TLN2: variants seen among roughly 807,000 people sequenced by gnomAD.
TLN2 encodes the protein talin-2.
A neutral mutation model predicts 294.7 loss-of-function variants in TLN2; 118 were observed. The ratio of observed to expected loss-of-function variants is 0.40; its 90% confidence interval spans 0.34 to 0.47. The LOEUF is 0.47. Ranked by LOEUF, TLN2 falls within the 20% of genes least tolerant of loss-of-function variation. The probability of loss-of-function intolerance (pLI) is 0.84; values close to 1 mark genes in which losing one functional copy is unlikely to be tolerated. For synonymous variants in TLN2, 1,431 were observed against 1,304.5 expected, an observed-to-expected ratio of 1.10 and a Z score of -2.09; for missense variants, 3,083 against 3,282.2, an observed-to-expected ratio of 0.94 and a Z score of 1.48.
At chr15:62,431,012 G>T (rs1425417115) in intron 1 of TLN2, among the ~76,000 whole-genome samples, 1 of 152,004 alleles carries the variant, frequency 6.6e-6, no homozygotes, top group East Asian at 1.9e-4. Flanking sequence ...CACAAGGGAG[G>T]ATCTGAGAGA....
At chr15:62,585,874 A>G (rs2045556515) in intron 1 of TLN2, among the ~76,000 whole-genome samples, 2 of 152,196 alleles carry the variant, frequency 1.3e-5, no homozygotes, top group Non-Finnish European at 2.9e-5. Context: ...ATGAGTTTCT[A>G]GCATGAGCTG....
chr15:62,818,233 G>A (rs557608520), intron 52 of TLN2, among the ~76,000 whole-genome samples: 1 of 152,336 alleles, frequency 6.6e-6, no homozygotes, highest in South Asian at 2.1e-4. Flanking sequence ...CATTTCCAAA[G>A]CTGATGCTTT....
At chr15:62,772,466 G>T (rs553101109) in intron 42 of TLN2, among the ~76,000 whole-genome samples, 2 of 152,160 alleles carry the variant, frequency 1.3e-5, no homozygotes, top group African/African-American at 4.8e-5. Context: ...AAACGATAGG[G>T]TGCCCTGCAG....
At chr15:62,730,953 T>G (rs1461106710) in intron 28 of TLN2, among the ~76,000 whole-genome samples, 1 of 152,232 alleles carries the variant, frequency 6.6e-6, no homozygotes, top group Non-Finnish European at 1.5e-5. Context: ...TCACAGTGTT[T>G]CCTACATCTT....
At chr15:62,744,404 A>ATTTTTTT (rs71131126) in intron 32 of TLN2, among the ~76,000 whole-genome samples, 1 of 125,058 alleles carries the variant, frequency 8.0e-6, no homozygotes, top group Non-Finnish European at 1.7e-5. Context: ...GTTATTTTTA[A>ATTTTTTT]TTTTTTTTTT....
At chr15:62,688,916 A>G (rs978316732) in intron 12 of TLN2, among the ~76,000 whole-genome samples, 42 of 152,086 alleles carry the variant, frequency 2.8e-4, no homozygotes, top group African/African-American at 1.0e-3. Context: ...ATTCTTGTAG[A>G]GAGCATAATT....
intron 1 of TLN2, among the ~76,000 whole-genome samples, chr15:62,573,451 G>C (rs934489294): frequency 2.0e-5 from 3 of 152,054 alleles, no homozygotes; most frequent in Non-Finnish European, 4.4e-5. Context: ...CATCCTTCTA[G>C]GGGCCCCAGT....
At chr15:62,402,505 C>T (rs1376994951) in intron 1 of TLN2, among the ~76,000 whole-genome samples, 1 of 152,190 alleles carries the variant, frequency 6.6e-6, no homozygotes, top group Admixed American at 6.5e-5. Flanking sequence ...CCTCAACTAC[C>T]TTGACCTTTC....
intron 1 of TLN2, among the ~76,000 whole-genome samples, chr15:62,442,170 T>C (rs2035579065): frequency 6.6e-6 from 1 of 151,936 alleles, no homozygotes; most frequent in African/African-American, 2.4e-5. Context: ...CCCGACACCA[T>C]GTCCAGGTGG....
intron 1 of TLN2, among the ~76,000 whole-genome samples, chr15:62,457,522 G>T (rs954956710): frequency 5.5e-4 from 84 of 152,174 alleles, no homozygotes; most frequent in Non-Finnish European, 1.1e-3. Context: ...GAGGAATTGG[G>T]CCCCGTCTTC....
intron 12 of TLN2, among the ~76,000 whole-genome samples, chr15:62,691,690 G>A (rs61470768): frequency 4.6e-5 from 7 of 151,704 alleles, no homozygotes; most frequent in African/African-American, 1.7e-4. Context: ...TAGGAGACCT[G>A]TTTTTTTTGG....
chr15:62,501,555 G>A (rs2039308736), intron 1 of TLN2, among the ~76,000 whole-genome samples: 1 of 152,322 alleles, frequency 6.6e-6, no homozygotes, highest in South Asian at 2.1e-4. Flanking sequence ...GGCTTTTCAT[G>A]ATTCTGTCAC....
intron 6 of TLN2, among the ~76,000 whole-genome samples, chr15:62,652,355 C>A (rs2052686962): frequency 1.3e-5 from 2 of 152,148 alleles, no homozygotes; most frequent in Non-Finnish European, 2.9e-5. Flanking sequence ...ATTTCCCTCT[C>A]CAAAACAAGA....
chr15:62,391,228 C>T (rs1354080667), intron 1 of TLN2, among the ~76,000 whole-genome samples: 1 of 152,272 alleles, frequency 6.6e-6, no homozygotes, highest in Non-Finnish European at 1.5e-5. Flanking sequence ...TAAGACAGCC[C>T]GCCAGTGCGG....
Position 62,717,615 on chromosome 15 carries a change from A to G in TLN2, c.2803A>G (p.Ile935Val), listed in dbSNP as rs774261441. The change falls in exon 24 of 59, where the codon ATC becomes GTC. Residue 935 changes from isoleucine (I) to valine (V), a missense_variant. Transcript: ENST00000636159. The part of the protein sequence containing the change: ...KQAAAAATQT[I>V]AASQNAAVSN... ...GGCCGCAGCGGCAGCCACACAGACC[A>G]TCGCCGCCTCCCAGAATGCAGCTGT... 3.7e-6 allele frequency: 6 copies of G among 1,603,310 alleles called. No individual in the cohort carries two copies. In the African/African-American group the frequency reaches 6.7e-5, roughly 18 times the overall value.
intron 1 of TLN2, among the ~76,000 whole-genome samples, chr15:62,403,439 C>G (rs917789373): frequency 1.2e-4 from 18 of 152,190 alleles, no homozygotes; most frequent in African/African-American, 4.3e-4. Context: ...TGCCACGTTG[C>G]CCAGGCTGGT....
chr15:62,759,168 GGGCAGCTTTGAGTAT>G (rs2062500324), intron 37 of TLN2, among the ~76,000 whole-genome samples: 1 of 152,166 alleles, frequency 6.6e-6, no homozygotes, highest in South Asian at 2.1e-4. Context: ...TGTCACCACT[GGGCAGCTTTGAGTAT>G]TCAGTTTACT....
At chr15:62,590,554 A>G (rs972384907) in intron 2 of TLN2, among the ~76,000 whole-genome samples, 6 of 152,034 alleles carry the variant, frequency 3.9e-5, no homozygotes, top group Admixed American at 1.3e-4. Flanking sequence ...CATTTTCTTT[A>G]TCTAGTCTGT....
chr15:62,522,968 ACACACACACACT>A (rs1271662278), intron 1 of TLN2, among the ~76,000 whole-genome samples: 33 of 140,714 alleles, frequency 2.3e-4, no homozygotes, highest in African/African-American at 7.8e-4. Context: ...ACACACACAC[ACACACACACACT>A]CTCTCACTCA....
Sources: allele counts gnomAD v4.1 joint callset (sites outside exome capture counted in the v4.1 genomes callset), GRCh38; gene constraint gnomAD v4.1.1; transcripts MANE v1.5; gene names NCBI Gene and HGNC (gene_info 2026-07-23, HGNC 2026-07-21).